C8orf89: variants seen among roughly 807,000 people sequenced by gnomAD.
C8orf89 encodes the protein chromosome 8 open reading frame 89.
In C8orf89, 14 loss-of-function variants were observed where a neutral mutation model predicts 15.8. That is an observed-to-expected ratio of 0.89 (90% CI 0.59 to 1.39). The LOEUF (loss-of-function observed/expected upper bound fraction) is 1.39, where lower values mean the gene tolerates loss of function less well. C8orf89 is among the 40% of genes most tolerant of loss of function. The pLI is 0.00. For missense variants in C8orf89, 181 were observed against 184.5 expected, an observed-to-expected ratio of 0.98 and a Z score of 0.11; for synonymous variants, 55 against 62.2, an observed-to-expected ratio of 0.88 and a Z score of 0.54.
At chr8:73,245,639 G>C (rs1813107375) in intron 3 of C8orf89, among the ~76,000 whole-genome samples, 1 of 151,922 alleles carries the variant, frequency 6.6e-6, no homozygotes, top group Admixed American at 6.6e-5. Flanking sequence ...GAAAATAAAA[G>C]AAGGCACAAA....
At chr8:73,267,504 A>G in the C8orf89 span, among the ~76,000 whole-genome samples, 1 of 152,240 alleles carries the variant, frequency 6.6e-6, no homozygotes, top group Non-Finnish European at 1.5e-5. Flanking sequence ...TTGAAACCCA[A>G]TACATATCAG....
At chr8:73,246,610 C>T (rs1009977999) in intron 3 of C8orf89, among the ~76,000 whole-genome samples, 2 of 152,220 alleles carry the variant, frequency 1.3e-5, no homozygotes, top group African/African-American at 4.8e-5. Flanking sequence ...AACTCCTGAC[C>T]TCATGATCTG....
At chr8:73,274,403 G>A in the C8orf89 span, among the ~76,000 whole-genome samples, 7 of 151,972 alleles carry the variant, frequency 4.6e-5, no homozygotes, top group Non-Finnish European at 8.8e-5. Context: ...CGCCCACCTC[G>A]GCCTCCCAAA....
chr8:73,284,263 G>T, the C8orf89 span, among the ~76,000 whole-genome samples: 1 of 132,136 alleles, frequency 7.6e-6, no homozygotes, highest in Non-Finnish European at 1.5e-5. Flanking sequence ...ACTCAGGCTG[G>T]TGTGCAGTGG....
At chr8:73,266,145 T>C in the C8orf89 span, among the ~76,000 whole-genome samples, 1 of 152,248 alleles carries the variant, frequency 6.6e-6, no homozygotes, top group South Asian at 2.1e-4. Flanking sequence ...CCTTTTCTTG[T>C]ATCTCCATTC....
chr8:73,251,886 A>G (rs1281487682), intron 2 of C8orf89, among the ~76,000 whole-genome samples: 2 of 152,122 alleles, frequency 1.3e-5, no homozygotes, highest in East Asian at 3.9e-4. Flanking sequence ...CTCCTCCCCA[A>G]AGGGCACTGT....
At chr8:73,275,231 C>CTTTTTTTTTTT in the C8orf89 span, among the ~76,000 whole-genome samples, 1 of 84,744 alleles carries the variant, frequency 1.2e-5, no homozygotes, top group Non-Finnish European at 2.1e-5. Flanking sequence ...TGTAATAGTT[C>CTTTTTTTTTTT]TTTTTTTTTT....
At chr8:73,249,338 AT>A (rs1242736775) in intron 3 of C8orf89, among the ~76,000 whole-genome samples, 1 of 151,896 alleles carries the variant, frequency 6.6e-6, no homozygotes, top group African/African-American at 2.4e-5. Flanking sequence ...TTTGTTGAGG[AT>A]TTTTACATCA....
chr8:73,256,721 T>G (rs1280886094), intron 2 of C8orf89, among the ~76,000 whole-genome samples: 1 of 99,930 alleles, frequency 1.0e-5, no homozygotes, highest in Non-Finnish European at 1.9e-5. Context: ...AGCGAGACTC[T>G]GTCTCAAAAA....
the C8orf89 span, among the ~76,000 whole-genome samples, chr8:73,272,798 T>C: frequency 1.3e-5 from 2 of 152,344 alleles, no homozygotes; most frequent in South Asian, 2.1e-4. Flanking sequence ...CATTTTTTTA[T>C]GGCTGCTTAA....
At chr8:73,265,879 G>C in the C8orf89 span, among the ~76,000 whole-genome samples, 95 of 152,270 alleles carry the variant, frequency 6.2e-4, no homozygotes, top group Admixed American at 5.4e-3. Context: ...GTAGAAACCT[G>C]GATGCCAACA....
At chr8:73,266,446 A>C in the C8orf89 span, among the ~76,000 whole-genome samples, 3 of 152,326 alleles carry the variant, frequency 2.0e-5, no homozygotes, top group East Asian at 3.9e-4. Context: ...AATATTTTCC[A>C]CCATATAAAA....
intron 3 of C8orf89, among the ~76,000 whole-genome samples, chr8:73,246,170 T>C (rs1813117770): frequency 6.6e-6 from 1 of 152,206 alleles, no homozygotes; most frequent in Non-Finnish European, 1.5e-5. Flanking sequence ...GACTTAACAT[T>C]ACAAAATCTG....
chr8:73,266,467 A>G, the C8orf89 span, among the ~76,000 whole-genome samples: 1 of 152,154 alleles, frequency 6.6e-6, no homozygotes, highest in South Asian at 2.1e-4. Context: ...GCCTGGCCAG[A>G]CCTCTCAAGG....
At chr8:73,249,512 A>G (rs1813201737) in intron 3 of C8orf89, among the ~76,000 whole-genome samples, 1 of 152,248 alleles carries the variant, frequency 6.6e-6, no homozygotes, top group Admixed American at 6.5e-5. Flanking sequence ...CTTTTTGTAC[A>G]TCTGGTAGAA....
chr8:73,285,457 T>C, the C8orf89 span, among the ~76,000 whole-genome samples: 1 of 152,200 alleles, frequency 6.6e-6, no homozygotes, highest in African/African-American at 2.4e-5. Flanking sequence ...GTGACCCACG[T>C]GCCTCTCTGA....
chr8:73,279,866 A>G, the C8orf89 span, among the ~76,000 whole-genome samples: 10 of 152,212 alleles, frequency 6.6e-5, no homozygotes, highest in African/African-American at 2.4e-4. Context: ...TACAGCTGAC[A>G]TCTACAGCTA....
the C8orf89 span, among the ~76,000 whole-genome samples, chr8:73,272,522 G>A: frequency 6.6e-6 from 1 of 151,940 alleles, no homozygotes; most frequent in Non-Finnish European, 1.5e-5. Context: ...TATTATATAT[G>A]TATACATGTG....
upstream of C8orf89, among the ~76,000 whole-genome samples, chr8:73,261,066 G>C (rs1399566498): frequency 6.6e-6 from 1 of 152,104 alleles, no homozygotes; most frequent in Non-Finnish European, 1.5e-5. Flanking sequence ...GATTTGTCAG[G>C]GGCTCTCGGT....
Sources: allele counts gnomAD v4.1 joint callset (sites outside exome capture counted in the v4.1 genomes callset), GRCh38; gene constraint gnomAD v4.1.1; transcripts MANE v1.5; gene names NCBI Gene and HGNC (gene_info 2026-07-23, HGNC 2026-07-21).